The following SPIDR variants were observed in gnomAD, a reference collection of about 807,000 sequenced individuals.
The protein encoded by SPIDR is DNA repair-scaffolding protein.
SPIDR carries 93 observed loss-of-function variants against 104.6 expected under a neutral mutation model. The ratio of observed to expected loss-of-function variants is 0.89; its 90% CI spans 0.75 to 1.06. The LOEUF is 1.06. Ranked by LOEUF, SPIDR falls within the 50% of genes least tolerant of loss-of-function variation. SPIDR has a pLI of 0.00. For missense variants in SPIDR, 1,154 were observed against 1,111.2 expected (o/e 1.04, Z -0.55); for synonymous variants, 431 against 416.9 (o/e 1.03, Z -0.41).
chr8:47,275,543 T>C (rs2036244322), intron 1 of SPIDR, among the ~76,000 whole-genome samples: 1 of 152,178 alleles, frequency 6.6e-6, no homozygotes, highest in Non-Finnish European at 1.5e-5. Context: ...CCATTGGCGT[T>C]GCATATATTT....
At chr8:47,424,880 G>A (rs2066173899) in intron 7 of SPIDR, among the ~76,000 whole-genome samples, 2 of 152,090 alleles carry the variant, frequency 1.3e-5, no homozygotes, top group Non-Finnish European at 2.9e-5. Context: ...ACAGGCGCCT[G>A]CCACCACCCC....
chr8:47,534,173 G>T (rs916873361), intron 8 of SPIDR, among the ~76,000 whole-genome samples: 2 of 152,164 alleles, frequency 1.3e-5, no homozygotes, highest in Non-Finnish European at 2.9e-5. Flanking sequence ...GTTTCCCGAG[G>T]CCATCCCAGC....
chr8:47,418,350 G>A (rs1402399963), intron 7 of SPIDR, among the ~76,000 whole-genome samples: 1 of 152,148 alleles, frequency 6.6e-6, no homozygotes, highest in African/African-American at 2.4e-5. Flanking sequence ...TCCCTTGTAA[G>A]TTGGATTCCT....
chr8:47,491,956 G>T (rs1249258702), intron 8 of SPIDR, among the ~76,000 whole-genome samples: 1 of 152,144 alleles, frequency 6.6e-6, no homozygotes, highest in African/African-American at 2.4e-5. Context: ...GTGAGAAGGA[G>T]CCAGGCCCCA....
At chr8:47,312,592 T>G (rs2044414052) in intron 5 of SPIDR, among the ~76,000 whole-genome samples, 1 of 152,218 alleles carries the variant, frequency 6.6e-6, no homozygotes, top group Admixed American at 6.5e-5. Flanking sequence ...GTAAATTTGT[T>G]TGAGTTCATT....
At position 47,732,332 on chromosome 8, in the gene SPIDR, C is replaced by T. The variant is rs2085389391; in HGVS notation, c.2604+2867C>T. On this transcript the variant is annotated intron_variant, in intron 19 of 19. Coordinates refer to ENST00000297423, the MANE Select transcript of SPIDR (RefSeq NM_001080394.4). ...TATGCAGTATGTGTGCATCAGAGCA[C>T]CTTTGCCCATGCCCGTGTGCATGTG... 2.0e-5 allele frequency: 13 copies of T among 639,882 alleles called. No homozygotes were observed. In the South Asian group the frequency reaches 2.3e-4, roughly 11 times the overall value. 39.6% of individuals were successfully genotyped at this position (639,882 alleles called of 1,614,324 possible).
chr8:47,272,464 A>G (rs1483472619), intron 1 of SPIDR, among the ~76,000 whole-genome samples: 6 of 152,288 alleles, frequency 3.9e-5, no homozygotes, highest in East Asian at 1.9e-4. Context: ...TGAAGACATT[A>G]TGTGGTTAGT....
intron 7 of SPIDR, among the ~76,000 whole-genome samples, chr8:47,415,399 T>C (rs1415336061): frequency 7.2e-5 from 11 of 152,352 alleles, no homozygotes; most frequent in Non-Finnish European, 1.5e-4. Context: ...ATTTCACCAA[T>C]TTTACATGCA....
chr8:47,276,654 A>ACTCTATAAG (rs2036491534), intron 1 of SPIDR, among the ~76,000 whole-genome samples: 1 of 152,250 alleles, frequency 6.6e-6, no homozygotes, highest in Non-Finnish European at 1.5e-5. Flanking sequence ...AAAATAAATA[A>ACTCTATAAG]GATATTCAAA....
At chr8:47,546,124 T>C (rs1271363460) in intron 8 of SPIDR, among the ~76,000 whole-genome samples, 1 of 152,176 alleles carries the variant, frequency 6.6e-6, no homozygotes, top group Non-Finnish European at 1.5e-5. Flanking sequence ...GTTCATAAAA[T>C]GGATTGGGAA....
intron 7 of SPIDR, among the ~76,000 whole-genome samples, chr8:47,411,058 A>C (rs1038763486): frequency 1.3e-5 from 2 of 152,196 alleles, no homozygotes; most frequent in Non-Finnish European, 1.5e-5. Context: ...CCAGTCTATC[A>C]TTATTGGACA....
intron 8 of SPIDR, among the ~76,000 whole-genome samples, chr8:47,450,920 A>G (rs2071597715): frequency 6.6e-6 from 1 of 152,222 alleles, no homozygotes; most frequent in Non-Finnish European, 1.5e-5. Flanking sequence ...TCAGCAGGTA[A>G]GATTCTGCGA....
chr8:47,366,775 C>G (rs2061196146), intron 5 of SPIDR, among the ~76,000 whole-genome samples: 1 of 152,130 alleles, frequency 6.6e-6, no homozygotes. Context: ...TAGATTAAGG[C>G]TAAAAGGGTT....
At chr8:47,476,366 G>C (rs2154359838) in intron 8 of SPIDR, among the ~76,000 whole-genome samples, 1 of 152,246 alleles carries the variant, frequency 6.6e-6, no homozygotes, top group East Asian at 1.9e-4. Context: ...CTGTGACACA[G>C]CATTTACAGC....
chr8:47,659,224 A>T (rs536939148), intron 10 of SPIDR, among the ~76,000 whole-genome samples: 1 of 152,290 alleles, frequency 6.6e-6, no homozygotes, highest in South Asian at 2.1e-4. Context: ...ACAGCACGGT[A>T]CTCCAGCCTG....
At chr8:47,561,120 G>A (rs537414133) in intron 8 of SPIDR, among the ~76,000 whole-genome samples, 6 of 152,194 alleles carry the variant, frequency 3.9e-5, no homozygotes, top group East Asian at 1.9e-4. Context: ...GCCTGCCATC[G>A]AACATGAGTG....
chr8:47,538,127 A>G (rs1450724904), intron 8 of SPIDR, among the ~76,000 whole-genome samples: 1 of 152,152 alleles, frequency 6.6e-6, no homozygotes, highest in Non-Finnish European at 1.5e-5. Flanking sequence ...GTGAGCCGGG[A>G]TCGTGCCACT....
rs2057108768 is a variant in SPIDR at position 47,365,864 on chromosome 8, G to A, written c.526-30512G>A. Among the ~76,000 whole-genome samples, 3 of 152,260 alleles carry A rather than the reference G, an allele frequency of 2.0e-5. No homozygotes were observed. In the South Asian group the frequency reaches 6.2e-4, roughly 32 times the overall value. ...TAGGTGAAAGGTCAGGACAGGAAGT[G>A]CAGATTGGATTGTGAGAAAAAAGAA... On this transcript the variant is annotated intron_variant, in intron 5 of 19. Transcript: ENST00000297423.
chr8:47,599,051 G>A lies in SPIDR; in HGVS notation c.1399G>A (p.Asp467Asn), dbSNP rs765994774. The stretch of plus-strand genomic sequence containing the variant: ...CACTCCCCTGAGGGATTCTCTCCTG[G>A]ATGTGGTGGAAAGCCAGGGAGCTGC... ...TSTPLRDSLL[D>N]VVESQGAASW... Residue 467 changes from aspartate (D) to asparagine (N), a missense_variant, in exon 10 of 20, where the codon GAT becomes AAT. Transcript: ENST00000297423. 3.7e-6 allele frequency: 6 copies of A among 1,613,036 alleles called. No individual in the cohort carries two copies. The highest frequency in any genetic ancestry group is 5.1e-6 in the Non-Finnish European group (6 of 1,179,492).
Sources: gnomAD v4.1 joint callset for allele counts (sites outside exome capture counted in the v4.1 genomes callset) on GRCh38, gnomAD v4.1.1 for gene constraint, MANE v1.5 for transcripts, NCBI Gene and HGNC (gene_info 2026-07-23, HGNC 2026-07-21) for gene names.